The following PPP2R3A variants were observed in gnomAD, a reference collection of about 807,000 sequenced individuals.
The protein encoded by PPP2R3A is serine/threonine-protein phosphatase 2A regulatory subunit B'' subunit alpha.
PPP2R3A carries 80 observed loss-of-function variants against 106.9 expected under a neutral mutation model. That is an observed-to-expected ratio of 0.75 (90% confidence interval 0.62 to 0.90). The LOEUF (loss-of-function observed/expected upper bound fraction) is 0.90. Among genes scored for constraint, PPP2R3A ranks in the 40% least tolerant of loss-of-function variants. The pLI is 0.00. For missense variants in PPP2R3A, 1,386 were observed against 1,350.4 expected, an observed-to-expected ratio of 1.03 and a Z score of -0.41; for synonymous variants, 483 against 468.3, an observed-to-expected ratio of 1.03 and a Z score of -0.41.
chr3:136,080,169 C>T (rs184690672), intron 7 of PPP2R3A, among the ~76,000 whole-genome samples: 30 of 152,272 alleles, frequency 2.0e-4, no homozygotes, highest in Non-Finnish European at 2.8e-4. Flanking sequence ...TTTCACTTAA[C>T]AGTGTCTCAG....
chr3:136,101,899 C>A lies in PPP2R3A; in HGVS notation c.2928-108C>A. The A allele has an allele frequency of 2.6e-6, 3 of 1,175,356 alleles. No homozygotes were observed. The South Asian group carries it at 5.3e-5, about 21-fold the overall frequency. 72.8% of individuals were successfully genotyped at this position (1,175,356 alleles called of 1,614,324 possible). A position where few individuals can be genotyped will look rare whatever the true frequency, so the allele number is the denominator to read the frequency against. ...CAAACTTTGTAAAACTATATCTAAG[C>A]CTGAAGTGTATGTAATATGTAACTT... On this transcript the variant is annotated intron_variant, in intron 10 of 13. Transcript: ENST00000264977.
chr3:136,027,653 T>C (rs1414122197), intron 3 of PPP2R3A, among the ~76,000 whole-genome samples: 3 of 152,174 alleles, frequency 2.0e-5, no homozygotes, highest in Non-Finnish European at 4.4e-5. Context: ...CCCAGAACAG[T>C]TAATACTTAG....
At chr3:136,009,080 T>C (rs1035066891) in intron 2 of PPP2R3A, among the ~76,000 whole-genome samples, 4 of 152,180 alleles carry the variant, frequency 2.6e-5, no homozygotes, top group Non-Finnish European at 4.4e-5. Flanking sequence ...CACTCTGAAT[T>C]CATGATGATT....
chr3:136,042,124 A>T (rs1228320419), intron 4 of PPP2R3A, among the ~76,000 whole-genome samples: 1 of 152,256 alleles, frequency 6.6e-6, no homozygotes, highest in Non-Finnish European at 1.5e-5. Context: ...CATTTCAGCT[A>T]AAAGCCCTTA....
chr3:136,084,392 C>A (rs1936868824), intron 8 of PPP2R3A, among the ~76,000 whole-genome samples: 1 of 152,212 alleles, frequency 6.6e-6, no homozygotes, highest in Non-Finnish European at 1.5e-5. Context: ...GATTTGGGAA[C>A]CTCCACCTAG....
At chr3:136,013,401 T>A (rs1190219883) in intron 2 of PPP2R3A, among the ~76,000 whole-genome samples, 1 of 152,184 alleles carries the variant, frequency 6.6e-6, no homozygotes, top group African/African-American at 2.4e-5. Context: ...AAATGGTAGA[T>A]CTACTTTCAG....
chr3:136,133,511 T>C (rs193152941), intron 13 of PPP2R3A, among the ~76,000 whole-genome samples: 15 of 152,216 alleles, frequency 9.9e-5, no homozygotes, highest in East Asian at 3.9e-4. Context: ...CTCTCATACA[T>C]TGGGCTGGTA....
At chr3:136,118,059 A>G (rs182870445) in intron 13 of PPP2R3A, among the ~76,000 whole-genome samples, 35 of 152,348 alleles carry the variant, frequency 2.3e-4, no homozygotes, top group African/African-American at 8.2e-4. Flanking sequence ...CTGGGATGCA[A>G]GGCTGGTTCA....
intron 1 of PPP2R3A, among the ~76,000 whole-genome samples, chr3:135,982,166 G>A (rs1256967123): frequency 6.6e-6 from 1 of 151,772 alleles, no homozygotes; most frequent in South Asian, 2.1e-4. Flanking sequence ...TATATCCTGG[G>A]TCTGGGCTGC....
intron 1 of PPP2R3A, among the ~76,000 whole-genome samples, chr3:135,969,716 A>G (rs1232982190): frequency 6.6e-6 from 1 of 152,170 alleles, no homozygotes; most frequent in Non-Finnish European, 1.5e-5. Context: ...TTGCCCATAC[A>G]GTGGTTTTGT....
At chr3:135,967,350 A>G (rs1334051596) in intron 1 of PPP2R3A, among the ~76,000 whole-genome samples, 1 of 152,200 alleles carries the variant, frequency 6.6e-6, no homozygotes, top group Non-Finnish European at 1.5e-5. Context: ...TGACAACCTG[A>G]ACATTGAGCA....
intron 13 of PPP2R3A, among the ~76,000 whole-genome samples, chr3:136,134,607 C>T (rs1236644412): frequency 6.6e-6 from 1 of 151,984 alleles, no homozygotes; most frequent in African/African-American, 2.4e-5. Context: ...TATACACAAG[C>T]TAAAAGATAA....
intron 1 of PPP2R3A, among the ~76,000 whole-genome samples, chr3:135,979,915 T>C (rs1474542698): frequency 2.0e-5 from 3 of 151,866 alleles, no homozygotes; most frequent in Non-Finnish European, 4.4e-5. Context: ...TAAACATCCA[T>C]TTAAGTAAAT....
chr3:136,120,588 CA>C lies in PPP2R3A; in HGVS notation c.3329+14276del, dbSNP rs573093793. Among the ~76,000 whole-genome samples the C allele has an allele frequency of 6.2e-5, 9 of 145,620 alleles. No individual in the cohort carries two copies. In the East Asian group the frequency reaches 8.0e-4, roughly 13 times the overall value. On this transcript the variant is annotated intron_variant, in intron 13 of 13. Transcript: ENST00000264977. ...GAGAGACAGAGTGAGACTCTTGTCT[CA>C]AAAAAAAAAGTGCTTCTGCACAATA...
chr3:136,104,738 A>G (rs1937472864), intron 12 of PPP2R3A, among the ~76,000 whole-genome samples: 3 of 152,202 alleles, frequency 2.0e-5, no homozygotes, highest in Admixed American at 6.5e-5. Flanking sequence ...AGTAATTAAT[A>G]GTGGTCATTG....
chr3:136,092,139 G>C (rs1449808775), intron 10 of PPP2R3A, among the ~76,000 whole-genome samples: 1 of 152,118 alleles, frequency 6.6e-6, no homozygotes, highest in Non-Finnish European at 1.5e-5. Flanking sequence ...GACCAGCCTG[G>C]CCAACATGAT....
intron 6 of PPP2R3A, among the ~76,000 whole-genome samples, chr3:136,072,682 T>C (rs1936474220): frequency 6.6e-6 from 1 of 152,236 alleles, no homozygotes; most frequent in Admixed American, 6.5e-5. Context: ...ACTCAGGGCA[T>C]ATTAACAGCA....
At chr3:136,012,785 G>T (rs1277583531) in intron 2 of PPP2R3A, among the ~76,000 whole-genome samples, 3 of 152,042 alleles carry the variant, frequency 2.0e-5, no homozygotes, top group African/African-American at 4.8e-5. Context: ...TAACCCTTTT[G>T]ATTTATTTTC....
At chr3:136,101,550 A>G (rs1345311973) in intron 10 of PPP2R3A, among the ~76,000 whole-genome samples, 1 of 152,064 alleles carries the variant, frequency 6.6e-6, no homozygotes, top group East Asian at 1.9e-4. Context: ...TCAGCCGCCC[A>G]AGTAGCTGAG....
Sources: gnomAD v4.1 joint callset for allele counts (sites outside exome capture counted in the v4.1 genomes callset) on GRCh38, gnomAD v4.1.1 for gene constraint, MANE v1.5 for transcripts, NCBI Gene and HGNC (gene_info 2026-07-23, HGNC 2026-07-21) for gene names.